PCLO: variants seen among roughly 807,000 people sequenced by gnomAD.
PCLO encodes piccolo presynaptic cytomatrix protein.
In PCLO, 82 loss-of-function variants were observed where a neutral mutation model predicts 427.5. The ratio of observed to expected loss-of-function variants is 0.19; its 90% confidence interval spans 0.16 to 0.23. PCLO has a LOEUF of 0.23. PCLO is among the 10% of genes least tolerant of loss of function. The pLI is 1.00. For missense variants in PCLO, 6,239 were observed against 6,115.9 expected (o/e 1.02, Z -0.67); for synonymous variants, 2,357 against 2,155.4 (o/e 1.09, Z -2.59).
intron 10 of PCLO, among the ~76,000 whole-genome samples, chr7:82,870,657 C>A (rs952931196): frequency 1.3e-5 from 2 of 151,910 alleles, no homozygotes; most frequent in African/African-American, 2.4e-5. Flanking sequence ...AGACAACCTA[C>A]AGAATGGGAG....
At chr7:83,093,806 A>T (rs1415175050) in intron 3 of PCLO, among the ~76,000 whole-genome samples, 7 of 27,370 alleles carry the variant, frequency 2.6e-4, no homozygotes, top group African/African-American at 1.8e-3. Flanking sequence ...ACAAATATTA[A>T]AAAAAAAAAA....
intron 21 of PCLO, among the ~76,000 whole-genome samples, 200 bp from the exon 22 acceptor site, chr7:82,801,791 A>T (rs191080471): frequency 6.6e-6 from 1 of 152,314 alleles, no homozygotes. Context: ...TCATAATTTT[A>T]AAATGTGAAC....
Position 82,916,461 on chromosome 7 carries a change from G to C in PCLO, c.11525C>G (p.Thr3842Arg). 1 of 1,613,712 alleles carries C rather than the reference G, an allele frequency of 6.2e-7. No homozygotes were observed. Among genetic ancestry groups the C allele is most frequent in the Non-Finnish European group, 8.5e-7 (1 of 1,179,764 alleles). The change falls in exon 7 of 25, where the codon ACA becomes AGA. Residue 3842 changes from threonine to arginine, a missense_variant. By Grantham distance (71) the Thr-to-Arg change is moderately conservative. Around this residue, in one of 5 missense-constraint regions of PCLO, gnomAD observed 680 missense variants for 677.3 expected, o/e 1.00. Transcript: ENST00000333891. ...DYMSDSEVSS[T>R]RPTRIESQHG... is the part of the protein sequence containing the mutation. The stretch of plus-strand genomic sequence containing the variant: ...CTGACTTTCTATTCGGGTTGGTCTT[G>C]TGCTACTCACTTCACTGTCAGACAT...
chr7:83,147,631 G>A (rs1792028477), intron 2 of PCLO, among the ~76,000 whole-genome samples: 1 of 152,028 alleles, frequency 6.6e-6, no homozygotes, highest in Non-Finnish European at 1.5e-5. Context: ...TCACCAAGAA[G>A]AATACCAAGG....
chr7:83,070,603 A>T (rs111737482), intron 3 of PCLO, among the ~76,000 whole-genome samples: 1 of 152,010 alleles, frequency 6.6e-6, no homozygotes, highest in Non-Finnish European at 1.5e-5. Flanking sequence ...TAGCCAGGAT[A>T]GTCTCCATCT....
At chr7:82,976,886 G>A (rs906374601) in intron 3 of PCLO, among the ~76,000 whole-genome samples, 1 of 151,646 alleles carries the variant, frequency 6.6e-6, no homozygotes, top group Non-Finnish European at 1.5e-5. Flanking sequence ...TTTTCTTTTT[G>A]AAACATTTTT....
In PCLO at chr7:82,989,000, A is replaced by AT. The variant is rs570736763; in HGVS notation, c.3301-22514dup. 3.4e-3 allele frequency among the ~76,000 whole-genome samples: 507 copies of AT among 150,478 alleles called. 2 individuals carry two copies. The highest frequency in any genetic ancestry group is 0.013 in the South Asian group (61 of 4,772). On this transcript the variant is annotated intron_variant, in intron 3 of 24. Coordinates refer to ENST00000333891, the MANE Select transcript of PCLO (RefSeq NM_033026.6). Reference sequence around the variant, plus strand: ...CAGGCATGCACCACCATGCCTGGCTATTTTTTTTGTATTTTTAGTAGATAT... The same window carrying AT: ...CAGGCATGCACCACCATGCCTGGCTATTTTTTTTTGTATTTTTAGTAGATAT...
chr7:82,921,377 A>G (rs1422301211), intron 6 of PCLO, among the ~76,000 whole-genome samples: 1 of 151,900 alleles, frequency 6.6e-6, no homozygotes, highest in African/African-American at 2.4e-5. Flanking sequence ...AAACAGCATG[A>G]AATGGGTACA....
chr7:82,909,564 G>A (rs1794273078), intron 7 of PCLO, among the ~76,000 whole-genome samples: 1 of 152,062 alleles, frequency 6.6e-6, no homozygotes. Context: ...AGTATTCCTT[G>A]TGTATGGAAG....
intron 6 of PCLO, among the ~76,000 whole-genome samples, chr7:82,918,891 C>T (rs536079436): frequency 4.0e-5 from 6 of 151,864 alleles, no homozygotes; most frequent in Admixed American, 6.6e-5. Context: ...TGGTCACTAC[C>T]GGAAATTTTA....
chr7:83,018,228 C>A (rs1440025907), intron 3 of PCLO, among the ~76,000 whole-genome samples: 2 of 151,548 alleles, frequency 1.3e-5, no homozygotes, highest in African/African-American at 4.8e-5. Flanking sequence ...TATTTTAATG[C>A]CACAAAAAGC....
intron 12 of PCLO, among the ~76,000 whole-genome samples, chr7:82,846,267 C>T (rs1198213814): frequency 6.6e-6 from 1 of 152,088 alleles, no homozygotes. Flanking sequence ...ATTACTTTCA[C>T]AGGATGAATT....
At position 82,757,486 on chromosome 7, in the gene PCLO, A is replaced by G; in HGVS notation, c.*1089T>C. 6.6e-6 allele frequency: 1 copy of G among 151,990 alleles called. No individual in the cohort carries two copies. Among genetic ancestry groups the G allele is most frequent in the South Asian group, 2.1e-4 (1 of 4,824 alleles). The allele number at this position is 151,990 out of a possible 1,614,324, so 9.4% of individuals were successfully genotyped here. On this transcript the variant is annotated 3_prime_UTR_variant, in exon 25 of 25. Transcript: ENST00000333891. ...GTTTTCATGATACAATCAGTAAATG[A>G]ATTAAGTCATTAAGGAAAAAAGCAT...
Position 83,162,409 on chromosome 7 carries a change from T to C in PCLO, c.184A>G (p.Arg62Gly), listed in dbSNP as rs754191806. Residue 62 changes from arginine to glycine, a missense_variant, in exon 1 of 25, where the codon AGG becomes GGG. Arg to Gly is a moderately radical substitution (Grantham distance 125). Transcript: ENST00000333891. ...CTTCCCTTGGGCAGCCCCTGCGCCCTTGACATGACAGCGGCGATCTGTCTC... is the reference window on the plus strand; with the variant it reads ...CTTCCCTTGGGCAGCCCCTGCGCCCCTGACATGACAGCGGCGATCTGTCTC... ...ERRQIAAVMS[R>G]AQGLPKGSVP... 61 of 1,598,720 alleles carry C rather than the reference T, an allele frequency of 3.8e-5. No individual in the cohort carries two copies. The highest frequency in any genetic ancestry group is 5.2e-5 in the Admixed American group (3 of 58,108).
intron 9 of PCLO, among the ~76,000 whole-genome samples, chr7:82,886,142 T>C (rs574482320): frequency 6.6e-6 from 1 of 152,336 alleles, no homozygotes; most frequent in South Asian, 2.1e-4. Context: ...GAAAATGCTT[T>C]TGGCTTAGGC....
chr7:82,900,729 A>T (rs780752346), intron 9 of PCLO, among the ~76,000 whole-genome samples: 2 of 151,900 alleles, frequency 1.3e-5, no homozygotes, highest in South Asian at 4.1e-4. Context: ...GGGTTTGTGG[A>T]AAAGCTCAAC....
chr7:82,758,730 CA>C lies in PCLO; in HGVS notation c.15289-16del. On this transcript the variant is annotated splice_polypyrimidine_tract_variant and intron_variant, in intron 24 of 24. Transcript: ENST00000333891. ...AAAAGTAAAATCTAGAAAAAATAGG[CA>C]AAAATAAACATATTTAATTTATACA... 6.8e-7 allele frequency: 1 copy of C among 1,470,680 alleles called. No individual in the cohort carries two copies. Among genetic ancestry groups the C allele is most frequent in the Non-Finnish European group, 9.5e-7 (1 of 1,057,738 alleles). 91.1% of individuals were successfully genotyped at this position (1,470,680 alleles called of 1,614,324 possible). A position where few individuals can be genotyped will look rare whatever the true frequency, so the allele number is the denominator to read the frequency against.
chr7:82,846,796 G>T (rs1007339077), intron 11 of PCLO, among the ~76,000 whole-genome samples, 162 bp from the exon 12 acceptor site: 5 of 152,030 alleles, frequency 3.3e-5, no homozygotes, highest in Non-Finnish European at 7.4e-5. Flanking sequence ...ATATATATTT[G>T]CAATGCAGTT....
At chr7:82,990,428 C>T (rs1274066387) in intron 3 of PCLO, among the ~76,000 whole-genome samples, 10 of 152,118 alleles carry the variant, frequency 6.6e-5, no homozygotes, top group Admixed American at 5.9e-4. Context: ...CCTGTACTCT[C>T]ACCTTTTATA....
Sources: gnomAD v4.1 joint callset for allele counts (sites outside exome capture counted in the v4.1 genomes callset) on GRCh38, gnomAD v4.1.1 for gene constraint, gnomAD v4.1.1 regional missense constraint, MANE v1.5 for transcripts, NCBI Gene and HGNC (gene_info 2026-07-23, HGNC 2026-07-21) for gene names.